The following CLDND1 variants were observed in gnomAD, a reference collection of about 807,000 sequenced individuals.
CLDND1 encodes claudin domain containing 1, also known as claudin domain-containing protein 1.
In CLDND1, 13 loss-of-function variants were observed where a neutral mutation model predicts 26.3. The observed-to-expected ratio is 0.49, with a 90% CI of 0.32 to 0.78. The LOEUF is 0.78. Among genes scored for constraint, CLDND1 ranks in the 30% least tolerant of loss-of-function variants. The probability of loss-of-function intolerance (pLI) is 0.03; values close to 1 mark genes in which losing one functional copy is unlikely to be tolerated. For missense variants in CLDND1, 289 were observed against 312.8 expected, an observed-to-expected ratio of 0.92 and a Z score of 0.57; for synonymous variants, 107 against 107.0, an observed-to-expected ratio of 1.00 and a Z score of 0.00.
chr3:98,519,357 T>C (rs529561331), intron 2 of CLDND1, among the ~76,000 whole-genome samples: 1 of 152,188 alleles, frequency 6.6e-6, no homozygotes, highest in Non-Finnish European at 1.5e-5. Context: ...GAATGCCAAA[T>C]CCACACTTCC....
rs1389516360 is a variant in CLDND1 at position 98,522,838 on chromosome 3, C to G, written c.-19+11G>C. On this transcript the variant is annotated intron_variant, in intron 1 of 4. Transcript: ENST00000341181. ...GACCCCTGCCCGGCGACGCAGGTCC[C>G]GCTCACTCACCGCCCATCCTCCTGC... The G allele has an allele frequency of 1.2e-6, 2 of 1,613,792 alleles. No individual in the cohort carries two copies. The highest frequency in any genetic ancestry group is 1.7e-6 in the Non-Finnish European group (2 of 1,179,756).
chr3:98,517,001 C>T, intron 4 of CLDND1, 51 bp downstream of exon 4: 3 of 1,610,850 alleles, frequency 1.9e-6, no homozygotes, highest in Non-Finnish European at 2.5e-6. Flanking sequence ...ACTCTTTGGT[C>T]CCTAAAGAGA....
intron 2 of CLDND1, among the ~76,000 whole-genome samples, chr3:98,520,217 C>T (rs1316101168): frequency 6.6e-6 from 1 of 152,204 alleles, no homozygotes; most frequent in Non-Finnish European, 1.5e-5. Flanking sequence ...AATGGTAACA[C>T]TCCAATTCCA....
rs941506746 is a variant in CLDND1 at position 98,516,493 on chromosome 3, T to C, written c.*166A>G. 1.2e-5 allele frequency: 16 copies of C among 1,384,974 alleles called. No homozygotes were observed. Among genetic ancestry groups the C allele is most frequent in the Non-Finnish European group, 1.4e-5 (15 of 1,072,118 alleles). The allele number at this position is 1,384,974 out of a possible 1,614,324, so 85.8% of individuals were successfully genotyped here. ...TTAAAGTAAACCACATAAATTTTAG[T>C]GGTATTAAGTGTGTATTTAGTGGTG... On this transcript the variant is annotated 3_prime_UTR_variant, in exon 5 of 5. Transcript: ENST00000341181.
Position 98,521,233 on chromosome 3 carries a change from A to G in CLDND1, c.192T>C (p.Tyr64=), listed in dbSNP as rs759788112. The change falls in exon 2 of 5, where the codon TAT becomes TAC. Residue 64 remains tyrosine, a synonymous_variant. Transcript: ENST00000341181. ...CATTGTATCGAAAAAGTGCATCATT[A>G]TAAGTCTTTTCATCTGCCTCATCAC... ...FISDEADEKT[Y]NDALFRYNGT... 27 of 1,614,094 alleles carry G rather than the reference A, an allele frequency of 1.7e-5. No homozygotes were observed. Among genetic ancestry groups the G allele is most frequent in the African/African-American group, 8.0e-5 (6 of 74,928 alleles).
At position 98,518,174 on chromosome 3, in the gene CLDND1, C is replaced by T. The variant is rs140484371; in HGVS notation, c.403+711G>A. ...CACCTTTTGGTGCTGGTTTTGCTTT[C>T]TGGAACTTCTTATGTGTTTTTCTAA... On this transcript the variant is annotated intron_variant, in intron 3 of 4. Coordinates refer to ENST00000341181, the MANE Select transcript of CLDND1 (RefSeq NM_001040181.2). 1.3e-3 allele frequency among the ~76,000 whole-genome samples: 205 copies of T among 152,274 alleles called. 1 individual carries two copies. The highest frequency in any genetic ancestry group is 4.7e-3 in the African/African-American group (195 of 41,562).
chr3:98,518,860 G>A, intron 3 of CLDND1, 25 bp downstream of exon 3: 1 of 1,296,908 alleles, frequency 7.7e-7, no homozygotes, highest in Non-Finnish European at 1.1e-6. Flanking sequence ...TCCCCCAACT[G>A]TCCTGGTGAA....
intron 2 of CLDND1, among the ~76,000 whole-genome samples, chr3:98,519,289 A>G (rs1279119473): frequency 6.6e-6 from 1 of 152,340 alleles, no homozygotes; most frequent in East Asian, 1.9e-4. Context: ...ACTGAAATAA[A>G]TAGGAATGTT....
At chr3:98,517,335 T>C in intron 3 of CLDND1, 146 bp from the exon 4 acceptor site, 1 of 906,286 alleles carries the variant, frequency 1.1e-6, no homozygotes, top group East Asian at 2.7e-5. Flanking sequence ...CTAAAGCACA[T>C]TATTCAAAAG....
At position 98,521,305 on chromosome 3, in the gene CLDND1, T is replaced by C. The variant is rs1350715548; in HGVS notation, c.120A>G (p.Gln40=). 1 of 1,614,120 alleles carries C rather than the reference T, an allele frequency of 6.2e-7. No individual in the cohort carries two copies. ...TTTTATTCAAATCACTGGAATTTTC[T>C]TGAACTGGACTTCGATATTCATACC... ...DFWYEYRSPV[Q]ENSSDLNKSI... Residue 40 remains glutamine (Q), a synonymous_variant, in exon 2 of 5, where the codon CAA becomes CAG. Transcript: ENST00000341181.
Position 98,521,403 on chromosome 3 carries a change from C to T in CLDND1, c.22G>A (p.Ala8Thr). The T allele has an allele frequency of 6.2e-7, 1 of 1,614,102 alleles. No homozygotes were observed. The highest frequency in any genetic ancestry group is 8.5e-7 in the Non-Finnish European group (1 of 1,179,994). ...CTAAGCACACAAGCAATTACAAATG[C>T]TGTAGCAAAACGGTTATCCATTCTG... MDNRFAT[A>T]FVIACVLSLI... The change falls in exon 2 of 5, where the codon GCA becomes ACA. Residue 8 changes from alanine (A) to threonine (T), a missense_variant. By Grantham distance (58) the Ala-to-Thr change is moderately conservative (BLOSUM62 0). Transcript: ENST00000341181.
At chr3:98,522,167 G>C (rs1431676567) in intron 1 of CLDND1, 1 of 159,592 alleles carries the variant, frequency 6.3e-6, no homozygotes, top group East Asian at 1.9e-4. Context: ...CAGAAATCTT[G>C]CTCTCTCCCT....
At chr3:98,520,137 G>A (rs114994558) in intron 2 of CLDND1, among the ~76,000 whole-genome samples, 2,960 of 152,184 alleles carry the variant, frequency 0.019, 47 homozygotes, top group Non-Finnish European at 0.031. Flanking sequence ...GTTCTTTCCT[G>A]ATGTTCTCCC....
At chr3:98,521,812 T>C (rs752301599) in intron 1 of CLDND1, 6 of 890,032 alleles carry the variant, frequency 6.7e-6, no homozygotes, top group Non-Finnish European at 1.1e-5. Flanking sequence ...GACTGAATTT[T>C]TGCACGAGCT....
At chr3:98,520,299 C>A (rs886143118) in intron 2 of CLDND1, among the ~76,000 whole-genome samples, 2 of 152,198 alleles carry the variant, frequency 1.3e-5, no homozygotes, top group African/African-American at 4.8e-5. Flanking sequence ...GAATTTTAAC[C>A]AACTTTCTCT....
chr3:98,521,548 C>T (rs1471628691), intron 1 of CLDND1, 106 bp from the exon 2 acceptor site: 45 of 1,456,396 alleles, frequency 3.1e-5, no homozygotes, highest in Middle Eastern at 3.5e-4. Context: ...CCCATCCCTT[C>T]GTACATATAA....
intron 4 of CLDND1, 55 bp from the exon 5 acceptor site, chr3:98,516,934 A>G (rs1706165899): frequency 1.2e-6 from 2 of 1,610,196 alleles, no homozygotes; most frequent in East Asian, 4.5e-5. Context: ...AAGCACAGTA[A>G]AGAGCTTTTC....
chr3:98,516,069 T>C lies in CLDND1; in HGVS notation c.*590A>G. ...TCAAGTAAACACTGTATTTTTCACT[T>C]TTTGTAGACAGACACAGTGCAGATA... On this transcript the variant is annotated 3_prime_UTR_variant, in exon 5 of 5. Transcript: ENST00000341181. 1 of 1,155,796 alleles carries C rather than the reference T, an allele frequency of 8.7e-7. No homozygotes were observed. The highest frequency in any genetic ancestry group is 1.1e-6 in the Non-Finnish European group (1 of 924,714). The allele number at this position is 1,155,796 out of a possible 1,614,324, so 71.6% of individuals were successfully genotyped here. A position where few individuals can be genotyped will look rare whatever the true frequency, so the allele number is the denominator to read the frequency against.
chr3:98,521,740 C>G (rs1364053607), intron 1 of CLDND1: 2 of 1,560,842 alleles, frequency 1.3e-6, no homozygotes, highest in Non-Finnish European at 1.8e-6. Flanking sequence ...ATACACATTA[C>G]AGATACAAAC....
Sources: allele counts gnomAD v4.1 joint callset (sites outside exome capture counted in the v4.1 genomes callset), GRCh38; gene constraint gnomAD v4.1.1; transcripts MANE v1.5; gene names NCBI Gene and HGNC (gene_info 2026-07-23, HGNC 2026-07-21).